The following SKAP2 variants were observed in gnomAD, a reference collection of about 807,000 sequenced individuals.
The protein encoded by SKAP2 is src kinase associated phosphoprotein 2, also known as src kinase-associated phosphoprotein 2.
Under a neutral mutation model 54.9 loss-of-function variants are expected in SKAP2, and 28 were observed. That is an observed-to-expected ratio of 0.51 (90% confidence interval 0.38 to 0.70). The LOEUF (loss-of-function observed/expected upper bound fraction) is 0.70. SKAP2 is among the 30% of genes least tolerant of loss of function. The probability of loss-of-function intolerance (pLI) is 0.00; values close to 1 mark genes in which losing one functional copy is unlikely to be tolerated. For missense variants in SKAP2, 356 were observed against 424.1 expected, an observed-to-expected ratio of 0.84 and a Z score of 1.41; for synonymous variants, 137 against 134.3, an observed-to-expected ratio of 1.02 and a Z score of -0.14.
intron 4 of SKAP2, among the ~76,000 whole-genome samples, chr7:26,810,915 C>T (rs544829054): frequency 2.4e-4 from 37 of 152,172 alleles, no homozygotes; most frequent in South Asian, 8.3e-4. Flanking sequence ...CTCTTGACCT[C>T]ATGATCCGCG....
At chr7:26,778,742 G>C (rs752643172) in intron 4 of SKAP2, among the ~76,000 whole-genome samples, 1 of 151,234 alleles carries the variant, frequency 6.6e-6, no homozygotes, top group African/African-American at 2.4e-5. Context: ...AATACATTTT[G>C]GGATCAAGTA....
chr7:26,760,905 C>T (rs941560897), intron 4 of SKAP2, among the ~76,000 whole-genome samples: 1 of 152,106 alleles, frequency 6.6e-6, no homozygotes, highest in African/African-American at 2.4e-5. Context: ...AGAAATGAAT[C>T]AATAGTCAGT....
intron 9 of SKAP2, among the ~76,000 whole-genome samples, chr7:26,693,480 T>A (rs1786833225): frequency 6.6e-6 from 1 of 152,198 alleles, no homozygotes; most frequent in Non-Finnish European, 1.5e-5. Flanking sequence ...TTTGTTACTA[T>A]GAATTTTTTA....
chr7:26,719,281 A>G (rs1787527895), intron 9 of SKAP2, among the ~76,000 whole-genome samples: 1 of 152,194 alleles, frequency 6.6e-6, no homozygotes, highest in African/African-American at 2.4e-5. Context: ...CATTAAAGTG[A>G]GCTCCTCTTC....
chr7:26,830,931 G>GT (rs3839810), intron 4 of SKAP2, among the ~76,000 whole-genome samples: 78,287 of 151,760 alleles, frequency 0.52, 20,908 homozygotes, highest in East Asian at 0.86. Flanking sequence ...CTGCATTTTA[G>GT]TTATGTGTAC....
At chr7:26,707,715 C>T (rs138505581) in intron 9 of SKAP2, among the ~76,000 whole-genome samples, 3 of 152,188 alleles carry the variant, frequency 2.0e-5, no homozygotes, top group East Asian at 3.9e-4. Context: ...GTGAGAAGCA[C>T]AGAGATACAA....
At chr7:26,843,001 G>A (rs1314603340) in intron 4 of SKAP2, among the ~76,000 whole-genome samples, 3 of 151,958 alleles carry the variant, frequency 2.0e-5, no homozygotes, top group Non-Finnish European at 4.4e-5. Flanking sequence ...TATAAAAAAA[G>A]ATTGTTTTGT....
intron 4 of SKAP2, among the ~76,000 whole-genome samples, chr7:26,808,174 G>C (rs891719870): frequency 1.3e-5 from 2 of 152,036 alleles, no homozygotes; most frequent in African/African-American, 4.8e-5. Flanking sequence ...AAAAGTGTAG[G>C]CTCTGCAGTA....
At chr7:26,851,008 C>T (rs1162597872) in intron 3 of SKAP2, among the ~76,000 whole-genome samples, 3 of 152,094 alleles carry the variant, frequency 2.0e-5, no homozygotes, top group Middle Eastern at 3.4e-3. Context: ...TGTAATAAAA[C>T]GAGTTTCTAC....
chr7:26,666,464 C>T (rs115947369), downstream of SKAP2, among the ~76,000 whole-genome samples: 878 of 152,180 alleles, frequency 5.8e-3, 10 homozygotes, highest in African/African-American at 0.02. Flanking sequence ...ATCATAAGAA[C>T]TAAGAGTGAG....
intron 1 of SKAP2, among the ~76,000 whole-genome samples, chr7:26,862,277 TAC>T (rs1357783474): frequency 2.6e-5 from 4 of 152,062 alleles, no homozygotes; most frequent in Non-Finnish European, 4.4e-5. Context: ...AGATTTTAAT[TAC>T]AGTCAAACAT....
intron 4 of SKAP2, among the ~76,000 whole-genome samples, chr7:26,839,722 T>A (rs1224260319): frequency 1.3e-5 from 2 of 152,054 alleles, no homozygotes; most frequent in Non-Finnish European, 2.9e-5. Context: ...AAGTAAAACA[T>A]CTATTTCGTG....
intron 4 of SKAP2, among the ~76,000 whole-genome samples, chr7:26,783,970 T>G (rs1783482792): frequency 6.6e-6 from 1 of 151,220 alleles, no homozygotes; most frequent in South Asian, 2.1e-4. Context: ...ATTATAAGTC[T>G]TAGAAAAAAA....
At chr7:26,729,373 CAT>C (rs757999564) in intron 6 of SKAP2, among the ~76,000 whole-genome samples, 1 of 152,048 alleles carries the variant, frequency 6.6e-6, no homozygotes, top group African/African-American at 2.4e-5. Context: ...AGAAACATAA[CAT>C]AGCACTTGAG....
chr7:26,863,104 T>C (rs974398601), intron 1 of SKAP2, among the ~76,000 whole-genome samples: 1 of 152,236 alleles, frequency 6.6e-6, no homozygotes, highest in East Asian at 1.9e-4. Context: ...TGAAAGACTA[T>C]CCCACCACAA....
At chr7:26,836,414 G>A (rs1488651987) in intron 4 of SKAP2, among the ~76,000 whole-genome samples, 3 of 152,082 alleles carry the variant, frequency 2.0e-5, no homozygotes, top group African/African-American at 4.8e-5. Flanking sequence ...GCAACCTACA[G>A]AATGGGAGAA....
At chr7:26,690,925 C>T (rs1786767708) in intron 9 of SKAP2, among the ~76,000 whole-genome samples, 1 of 152,130 alleles carries the variant, frequency 6.6e-6, no homozygotes, top group African/African-American at 2.4e-5. Flanking sequence ...TACGTTTTCT[C>T]AATCTTCACA....
At position 26,726,474 on chromosome 7, in the gene SKAP2, C is replaced by T. The variant is rs1026880395; in HGVS notation, c.594+408G>A. ...TATTGAATTGCAGAGCTGATGTGTA[C>T]TTTTACCTTCATTTTCTCCCACACT... On this transcript the variant is annotated intron_variant, in intron 7 of 12. Coordinates refer to ENST00000345317, the MANE Select transcript of SKAP2 (RefSeq NM_003930.5). Among the ~76,000 whole-genome samples, 32 of 152,098 alleles carry T rather than the reference C, an allele frequency of 2.1e-4. 1 individual carries two copies. The highest frequency in any genetic ancestry group is 3.9e-4 in the Admixed American group (6 of 15,250).
Position 26,706,019 on chromosome 7 carries a change from CAAAAT to C in SKAP2, c.797-15662_797-15658del, listed in dbSNP as rs1787148152. Among the ~76,000 whole-genome samples, 3 of 152,130 alleles carry C rather than the reference CAAAAT, an allele frequency of 2.0e-5. No homozygotes were observed. The East Asian group carries it at 5.8e-4, about 29-fold the overall frequency. The stretch of plus-strand genomic sequence containing the variant: ...ATAAGACATTCTGCTGCTAGAAACT[CAAAAT>C]ATATCAATGTTTTTTATTGTATAAG... On this transcript the variant is annotated intron_variant, in intron 9 of 12. Coordinates refer to ENST00000345317, the MANE Select transcript of SKAP2 (RefSeq NM_003930.5).
Sources: allele counts gnomAD v4.1 joint callset (sites outside exome capture counted in the v4.1 genomes callset), GRCh38; gene constraint gnomAD v4.1.1; transcripts MANE v1.5; gene names NCBI Gene and HGNC (gene_info 2026-07-23, HGNC 2026-07-21).